CARS2: variants seen among roughly 807,000 people sequenced by gnomAD.
CARS2 encodes the protein probable cysteine--tRNA ligase, mitochondrial.
CARS2 carries 52 observed loss-of-function variants against 68.8 expected under a neutral mutation model. The observed-to-expected ratio is 0.76, with a 90% CI of 0.61 to 0.95. The LOEUF (loss-of-function observed/expected upper bound fraction) is 0.95, where lower values mean the gene tolerates loss of function less well. CARS2 is among the 40% of genes least tolerant of loss of function. The pLI is 0.00. For synonymous variants in CARS2, 314 were observed against 303.6 expected (o/e 1.03, Z -0.36); for missense variants, 780 against 754.2 (o/e 1.03, Z -0.40).
chr13:110,650,870 C>T (rs1008178119), intron 10 of CARS2, 164 bp downstream of exon 10: 2 of 587,160 alleles, frequency 3.4e-6, no homozygotes, highest in African/African-American at 1.9e-5. Context: ...CACTGGGATC[C>T]CTCGTCCTCT....
At chr13:110,673,386 TG>T (rs1239173121) in intron 7 of CARS2, among the ~76,000 whole-genome samples, 2 of 152,204 alleles carry the variant, frequency 1.3e-5, no homozygotes, top group African/African-American at 4.8e-5. Context: ...GCTTCATCCC[TG>T]GGATGCAAGG....
At chr13:110,697,976 CAA>C (rs1225565739) in intron 3 of CARS2, 2 of 455,948 alleles carry the variant, frequency 4.4e-6, no homozygotes, top group East Asian at 1.4e-4. Context: ...GCCTAAGAGA[CAA>C]GAGAAGAGCT....
intron 6 of CARS2, among the ~76,000 whole-genome samples, chr13:110,677,623 AC>A: frequency 3.7e-5 from 1 of 27,326 alleles, no homozygotes; most frequent in Admixed American, 3.4e-4. Flanking sequence ...GCAGACAGTC[AC>A]CCCACCACAG....
chr13:110,694,548 A>G lies in CARS2; in HGVS notation c.394-6530T>C, dbSNP rs546359223. ...GGTACTCGGGAGGCTGAGGCAGGAAAATCGCTTGAGCCTGGGAGGCGGAGG... is the reference window on the plus strand; with the variant it reads ...GGTACTCGGGAGGCTGAGGCAGGAAGATCGCTTGAGCCTGGGAGGCGGAGG... On this transcript the variant is annotated intron_variant, in intron 3 of 14. Transcript: ENST00000257347. 2.0e-5 allele frequency among the ~76,000 whole-genome samples: 3 copies of G among 152,050 alleles called. No homozygotes were observed. The South Asian group carries it at 6.2e-4, about 32-fold the overall frequency.
At chr13:110,677,173 C>T (rs1050569839) in intron 6 of CARS2, 70 bp from the exon 7 acceptor site, 1 of 1,474,326 alleles carries the variant, frequency 6.8e-7, no homozygotes, top group Non-Finnish European at 9.1e-7. Context: ...CAGACATTCA[C>T]CCCCACCACA....
Position 110,641,442 on chromosome 13 carries a change from C to G in CARS2, c.*95G>C, listed in dbSNP as rs1423402139. ...TTGGTTGCCTTACTTTAATGCTGACCTAGCAGCCCCGACAGGAAGCTTTAA... is the reference window on the plus strand; with the variant it reads ...TTGGTTGCCTTACTTTAATGCTGACGTAGCAGCCCCGACAGGAAGCTTTAA... On this transcript the variant is annotated 3_prime_UTR_variant, in exon 15 of 15. Transcript: ENST00000257347. The G allele has an allele frequency of 9.7e-7, 1 of 1,028,974 alleles. No homozygotes were observed. Among genetic ancestry groups the G allele is most frequent in the African/African-American group, 1.6e-5 (1 of 63,824 alleles). The allele number at this position is 1,028,974 out of a possible 1,614,324, so 63.7% of individuals were successfully genotyped here. A position where few individuals can be genotyped will look rare whatever the true frequency, so the allele number is the denominator to read the frequency against.
upstream of CARS2, among the ~76,000 whole-genome samples, chr13:110,707,029 A>G (rs1261155725): frequency 1.3e-5 from 2 of 151,554 alleles, no homozygotes; most frequent in Non-Finnish European, 2.9e-5. Context: ...GCACCCCAGT[A>G]CAGTGTACAC....
chr13:110,643,074 GAC>G (rs1244319285), intron 13 of CARS2: 1 of 290,806 alleles, frequency 3.4e-6, no homozygotes, highest in East Asian at 9.5e-5. Context: ...ATAAGAAACA[GAC>G]ACAACATTTG....
At position 110,701,301 on chromosome 13, in the gene CARS2, T is replaced by C. The variant is rs2063778020; in HGVS notation, c.393+137A>G. 6.4e-5 allele frequency: 38 copies of C among 596,672 alleles called. No homozygotes were observed. In the South Asian group the frequency reaches 8.1e-4, roughly 13 times the overall value. The allele number at this position is 596,672 out of a possible 1,614,324, so 37.0% of individuals were successfully genotyped here. On this transcript the variant is annotated intron_variant, in intron 3 of 14. Coordinates refer to ENST00000257347, the MANE Select transcript of CARS2 (RefSeq NM_024537.4). ...CTGGCCTCAAACTCCTGACCTCAAG[T>C]GATCCACCTGTCTTGGCCTCCCAAA... is the stretch of plus-strand genomic sequence containing the variant.
chr13:110,643,111 C>CCTG, intron 13 of CARS2: 1 of 264,976 alleles, frequency 3.8e-6, no homozygotes. Flanking sequence ...CTACTTAAAC[C>CCTG]TCACACACCC....
intron 3 of CARS2, among the ~76,000 whole-genome samples, chr13:110,692,536 C>G (rs796284023): frequency 6.2e-5 from 9 of 145,660 alleles, no homozygotes; most frequent in African/African-American, 2.3e-4. Context: ...CAATATTCAT[C>G]TTTTATAGAC....
intron 6 of CARS2, among the ~76,000 whole-genome samples, chr13:110,682,673 C>T (rs549655414): frequency 1.3e-5 from 2 of 152,164 alleles, no homozygotes; most frequent in Non-Finnish European, 2.9e-5. Context: ...GGAAGTTTAA[C>T]ACATAGTAAG....
At chr13:110,684,857 A>G (rs2063253894) in intron 5 of CARS2, among the ~76,000 whole-genome samples, 1 of 152,206 alleles carries the variant, frequency 6.6e-6, no homozygotes, top group Non-Finnish European at 1.5e-5. Flanking sequence ...TTTTTCACCA[A>G]GAGTTCAAAG....
At chr13:110,650,945 C>A (rs536169655) in intron 10 of CARS2, 89 bp downstream of exon 10, 3 of 935,848 alleles carry the variant, frequency 3.2e-6, no homozygotes, top group African/African-American at 1.6e-5. Context: ...TCTGCTTATT[C>A]TCTGGCCTGC....
Position 110,647,211 on chromosome 13 carries a change from G to A in CARS2, c.1083C>T (p.Leu361=), listed in dbSNP as rs893366940. Residue 361 remains leucine, a synonymous_variant, in exon 11 of 15, where the codon CTC becomes CTT. Transcript: ENST00000257347. ...GCCCCAGGAGCAGCTGCTGAGCTTG[G>A]AGCATGGCGCTGTCACTGTAGTCGA... is the stretch of plus-strand genomic sequence containing the variant. ...SAIDYSDSAM[L]QAQQLLLGLG... 3.7e-6 allele frequency: 6 copies of A among 1,613,150 alleles called. No individual in the cohort carries two copies. The highest frequency in any genetic ancestry group is 5.1e-6 in the Non-Finnish European group (6 of 1,179,846).
At chr13:110,644,311 G>A in intron 13 of CARS2, 74 bp downstream of exon 13, 5 of 1,461,704 alleles carry the variant, frequency 3.4e-6, no homozygotes, top group South Asian at 1.1e-5. Context: ...TCTATTCCAA[G>A]TTAAAAGGGT....
intron 6 of CARS2, among the ~76,000 whole-genome samples, chr13:110,678,835 T>C (rs2063050132): frequency 6.7e-6 from 1 of 148,486 alleles, no homozygotes; most frequent in Non-Finnish European, 1.5e-5. Flanking sequence ...CTGGAGACGG[T>C]GGGAGGGGGG....
chr13:110,707,753 G>C (rs562745352), upstream of CARS2: 2 of 152,096 alleles, frequency 1.3e-5, no homozygotes, highest in Non-Finnish European at 2.9e-5. Flanking sequence ...CGTTCCTCTG[G>C]TTTTTTGTTG....
chr13:110,713,416 T>C, exon 1 of CARS2: 1 of 1,007,564 alleles, frequency 9.9e-7, no homozygotes, highest in Non-Finnish European at 1.2e-6. Flanking sequence ...CAACAGGCTC[T>C]GCCTCCAAGT....
Sources: allele counts gnomAD v4.1 joint callset (sites outside exome capture counted in the v4.1 genomes callset), GRCh38; gene constraint gnomAD v4.1.1; transcripts MANE v1.5; gene names NCBI Gene and HGNC (gene_info 2026-07-23, HGNC 2026-07-21).